PAK1IP1: variants seen among roughly 807,000 people sequenced by gnomAD.
The protein encoded by PAK1IP1 is PAK1 interacting protein 1.
In PAK1IP1, 24 loss-of-function variants were observed where a neutral mutation model predicts 42.0. The ratio of observed to expected loss-of-function variants is 0.57; its 90% CI spans 0.41 to 0.80. PAK1IP1 has a LOEUF of 0.80. Ranked by LOEUF, PAK1IP1 falls within the 30% of genes least tolerant of loss-of-function variation. PAK1IP1 has a pLI of 0.00. For missense variants in PAK1IP1, 411 were observed against 467.9 expected, an observed-to-expected ratio of 0.88 and a Z score of 1.12; for synonymous variants, 154 against 156.7, an observed-to-expected ratio of 0.98 and a Z score of 0.13.
intron 2 of PAK1IP1, among the ~76,000 whole-genome samples, chr6:10,702,085 C>G (rs922772815): frequency 6.6e-6 from 1 of 151,760 alleles, no homozygotes. Context: ...ACAAAAAATA[C>G]AAAAATTAGC....
upstream of PAK1IP1, among the ~76,000 whole-genome samples, chr6:10,694,297 C>T (rs2069462562): frequency 6.6e-6 from 1 of 151,762 alleles, no homozygotes; most frequent in Non-Finnish European, 1.5e-5. Flanking sequence ...TCACTGCTCC[C>T]TCCCCAGGAG....
intron 2 of PAK1IP1, among the ~76,000 whole-genome samples, chr6:10,700,429 C>T (rs921971208): frequency 1.3e-5 from 2 of 152,212 alleles, no homozygotes; most frequent in African/African-American, 2.4e-5. Flanking sequence ...ATGACTTAGT[C>T]ACCATCACCT....
Position 10,709,083 on chromosome 6 carries a change from G to A in PAK1IP1, c.964+7G>A, listed in dbSNP as rs756690639. On this transcript the variant is annotated splice_region_variant and intron_variant, in intron 9 of 9. Transcript: ENST00000379568. The stretch of plus-strand genomic sequence containing the variant: ...GCTGCAGAGCCTTCTCCTGGTAATC[G>A]AATTTGATTGTTTTGAAATTTTGAA... The A allele has an allele frequency of 1.7e-5, 27 of 1,605,892 alleles. 1 individual carries two copies. The South Asian group carries it at 1.7e-4, about 10-fold the overall frequency.
Position 10,697,312 on chromosome 6 carries a change from C to A in PAK1IP1, c.85-12C>A, listed in dbSNP as rs1769887350. The A allele has an allele frequency of 1.2e-6, 2 of 1,608,672 alleles. No individual in the cohort carries two copies. The highest frequency in any genetic ancestry group is 1.7e-5 in the Admixed American group (1 of 59,674). On this transcript the variant is annotated splice_polypyrimidine_tract_variant and intron_variant, in intron 1 of 9. Coordinates refer to ENST00000379568, the MANE Select transcript of PAK1IP1 (RefSeq NM_017906.3). ...GTGACTGGCATTAATTGTATGTTTT[C>A]ATCTTCAGCAGCAATGGACTCTTGT...
intron 2 of PAK1IP1, 103 bp from the exon 3 acceptor site, chr6:10,702,266 A>C (rs1770049854): frequency 1.1e-6 from 1 of 911,800 alleles, no homozygotes; most frequent in Non-Finnish European, 1.7e-6. Flanking sequence ...AAAAAGAAAA[A>C]AAGGTATTGA....
At chr6:10,702,260 A>T in intron 2 of PAK1IP1, 109 bp from the exon 3 acceptor site, 4 of 877,696 alleles carry the variant, frequency 4.6e-6, no homozygotes, top group South Asian at 1.7e-5. Context: ...AAAAAGAAAA[A>T]GAAAAAAAGG....
intron 2 of PAK1IP1, among the ~76,000 whole-genome samples, chr6:10,699,013 A>T (rs1180048416): frequency 6.6e-6 from 1 of 152,098 alleles, no homozygotes; most frequent in African/African-American, 2.4e-5. Flanking sequence ...ATCCTGGCTA[A>T]CAAGGAGAAA....
intron 1 of PAK1IP1, 41 bp downstream of exon 1, chr6:10,695,110 GGGAA>G: frequency 7.4e-7 from 1 of 1,354,198 alleles, no homozygotes; most frequent in Non-Finnish European, 1.0e-6. Context: ...AGGCGGGGCC[GGGAA>G]GGTCGGGTTT....
intron 8 of PAK1IP1, among the ~76,000 whole-genome samples, chr6:10,708,462 C>G (rs1426501999): frequency 6.6e-6 from 1 of 151,686 alleles, no homozygotes; most frequent in Non-Finnish European, 1.5e-5. Flanking sequence ...ATTGTTTCCA[C>G]CTTTTGGATG....
intron 5 of PAK1IP1, 67 bp downstream of exon 5, chr6:10,703,524 C>A: frequency 1.6e-6 from 2 of 1,237,036 alleles, no homozygotes; most frequent in Non-Finnish European, 2.3e-6. Context: ...GCTCCAAAAT[C>A]TGAAACTTTT....
rs532757172 is a variant in PAK1IP1, at chr6:10,709,661, G to A, written c.*209G>A. 8.8e-5 allele frequency: 30 copies of A among 340,708 alleles called. No homozygotes were observed. In the South Asian group the frequency reaches 1.6e-3, roughly 18 times the overall value. 21.1% of individuals were successfully genotyped at this position (340,708 alleles called of 1,614,324 possible). ...TGGCAGACAGTGTTTTATGAATTAT[G>A]TATCATGTTGATATATAATATGTTA... is the stretch of plus-strand genomic sequence containing the variant. On this transcript the variant is annotated 3_prime_UTR_variant, in exon 10 of 10. Coordinates refer to ENST00000379568, the MANE Select transcript of PAK1IP1 (RefSeq NM_017906.3).
At chr6:10,701,073 ATTTC>A (rs1331778855) in intron 2 of PAK1IP1, among the ~76,000 whole-genome samples, 1 of 149,440 alleles carries the variant, frequency 6.7e-6, no homozygotes, top group African/African-American at 2.5e-5. Flanking sequence ...TTTCTTTTCT[ATTTC>A]TTTCTTTCCT....
chr6:10,691,640 GA>G (rs1180972649), upstream of PAK1IP1, among the ~76,000 whole-genome samples: 6 of 152,108 alleles, frequency 3.9e-5, no homozygotes, highest in Admixed American at 3.9e-4. Context: ...AAGACAATAT[GA>G]GGGGTGGTCT....
intron 2 of PAK1IP1, among the ~76,000 whole-genome samples, chr6:10,701,797 AT>A (rs1053061140): frequency 6.6e-6 from 1 of 152,218 alleles, no homozygotes; most frequent in African/African-American, 2.4e-5. Flanking sequence ...CACCTCCTAA[AT>A]TTATAATTTG....
intron 1 of PAK1IP1, among the ~76,000 whole-genome samples, chr6:10,695,768 C>T (rs886428204): frequency 1.3e-5 from 2 of 152,178 alleles, no homozygotes; most frequent in East Asian, 3.8e-4. Context: ...TGAAGCAATT[C>T]TAAGCATTTT....
intron 5 of PAK1IP1, 113 bp downstream of exon 5, chr6:10,703,570 A>G: frequency 1.5e-6 from 1 of 671,282 alleles, no homozygotes; most frequent in South Asian, 1.9e-5. Context: ...AGAAAATTCA[A>G]CACCTTACCT....
In PAK1IP1 at chr6:10,704,543, A is replaced by T; in HGVS notation, c.533A>T (p.Gln178Leu). Residue 178 changes from glutamine (Q) to leucine (L), a missense_variant, in exon 6 of 10, where the codon CAG becomes CTG. Transcript: ENST00000379568. ...GTAGAATGGTCCCCAAGAGGAGAGC[A>T]GTATGTAGTTATCATACAGAATAAA... Reference protein sequence around the residue: ...HIVEWSPRGEQYVVIIQNKID... With the variant: ...HIVEWSPRGELYVVIIQNKID... 1 of 1,595,832 alleles carries T rather than the reference A, an allele frequency of 6.3e-7. No homozygotes were observed. The highest frequency in any genetic ancestry group is 8.6e-7 in the Non-Finnish European group (1 of 1,165,082).
intron 8 of PAK1IP1, among the ~76,000 whole-genome samples, chr6:10,708,022 T>C (rs1770256958): frequency 6.6e-6 from 1 of 151,860 alleles, no homozygotes; most frequent in Admixed American, 6.6e-5. Context: ...TAAGACCTGA[T>C]TCCTTTCTTT....
At position 10,709,317 on chromosome 6, in the gene PAK1IP1, C is replaced by T; in HGVS notation, c.1044C>T (p.Asn348=). ...AAGAAGAAAAGCGGTCAAAACCTAACACAAAGAAACGCGGTTTAACAGGTG... is the reference window on the plus strand; with the variant it reads ...AAGAAGAAAAGCGGTCAAAACCTAATACAAAGAAACGCGGTTTAACAGGTG... ...VHKEEKRSKP[N]TKKRGLTGDS... is the part of the protein sequence containing the mutation. The change falls in exon 10 of 10, where the codon AAC becomes AAT. Residue 348 remains asparagine (N), a synonymous_variant. Coordinates refer to ENST00000379568, the MANE Select transcript of PAK1IP1 (RefSeq NM_017906.3). 1 of 1,613,840 alleles carries T rather than the reference C, an allele frequency of 6.2e-7. No individual in the cohort carries two copies. The highest frequency in any genetic ancestry group is 8.5e-7 in the Non-Finnish European group (1 of 1,179,920).
Sources: allele counts gnomAD v4.1 joint callset (sites outside exome capture counted in the v4.1 genomes callset), GRCh38; gene constraint gnomAD v4.1.1; transcripts MANE v1.5; gene names NCBI Gene and HGNC (gene_info 2026-07-23, HGNC 2026-07-21).